The following KCNB2 variants were observed in gnomAD, a reference collection of about 807,000 sequenced individuals.
The protein encoded by KCNB2 is delayed rectifier potassium channel protein.
KCNB2 carries 15 observed loss-of-function variants against 61.5 expected under a neutral mutation model. The observed-to-expected ratio is 0.24, with a 90% CI of 0.16 to 0.38. The LOEUF is 0.38. Among genes scored for constraint, KCNB2 ranks in the 10% least tolerant of loss-of-function variants. KCNB2 has a pLI of 1.00. For synonymous variants in KCNB2, 457 were observed against 446.0 expected (o/e 1.02, Z -0.31); for missense variants, 828 against 1,125.2 (o/e 0.74, Z 3.78).
chr8:72,565,750 C>G (rs1294314920), intron 1 of KCNB2, among the ~76,000 whole-genome samples: 1 of 152,008 alleles, frequency 6.6e-6, no homozygotes, highest in African/African-American at 2.4e-5. Flanking sequence ...AATAATTGAT[C>G]CCAATAACTC....
chr8:72,723,756 A>C (rs1173788381), intron 2 of KCNB2, among the ~76,000 whole-genome samples: 1 of 152,168 alleles, frequency 6.6e-6, no homozygotes, highest in Admixed American at 6.5e-5. Context: ...CCTGTTGGAC[A>C]TGCACTCTTT....
At chr8:72,857,689 T>A (rs1293833166) in intron 2 of KCNB2, among the ~76,000 whole-genome samples, 3 of 151,954 alleles carry the variant, frequency 2.0e-5, no homozygotes, top group Non-Finnish European at 2.9e-5. Flanking sequence ...AGAAAAAAAA[T>A]TAGAGGACTT....
intron 2 of KCNB2, among the ~76,000 whole-genome samples, chr8:72,645,536 T>G (rs1326924369): frequency 6.6e-6 from 1 of 152,178 alleles, no homozygotes; most frequent in African/African-American, 2.4e-5. Flanking sequence ...TAGTTCACTT[T>G]TATTCACTTG....
intron 2 of KCNB2, among the ~76,000 whole-genome samples, chr8:72,607,060 G>T (rs915237681): frequency 1.3e-5 from 2 of 152,170 alleles, no homozygotes; most frequent in Non-Finnish European, 2.9e-5. Flanking sequence ...TGTACTGTGT[G>T]TTGATGTAGA....
chr8:72,893,231 G>A (rs78896334), intron 2 of KCNB2, among the ~76,000 whole-genome samples: 17,047 of 151,610 alleles, frequency 0.11, 1,071 homozygotes, highest in South Asian at 0.24. Context: ...AATCACACTC[G>A]TCAGTTTGCT....
chr8:72,677,057 C>T (rs1806666707), intron 2 of KCNB2, among the ~76,000 whole-genome samples: 1 of 151,966 alleles, frequency 6.6e-6, no homozygotes, highest in African/African-American at 2.4e-5. Context: ...GGGTGGGCCC[C>T]TAAACCAATA....
intron 2 of KCNB2, among the ~76,000 whole-genome samples, chr8:72,655,824 T>A (rs916576445): frequency 4.6e-5 from 7 of 152,102 alleles, no homozygotes; most frequent in Admixed American, 2.6e-4. Flanking sequence ...TGAGACTCAG[T>A]CTTTTCTTGC....
Position 72,856,865 on chromosome 8 carries a change from G to A in KCNB2, c.580-79070G>A, listed in dbSNP as rs77999583. On this transcript the variant is annotated intron_variant, in intron 2 of 2. Transcript: ENST00000523207. ...CAGAATCAGTATTTTAGCTTTTCTC[G>A]ATTGGTCAATTTGTTAATATCACAG... Among the ~76,000 whole-genome samples the A allele has an allele frequency of 7.3e-3, 1,109 of 152,220 alleles. 14 individuals carry two copies. Among genetic ancestry groups the A allele is most frequent in the African/African-American group, 0.02 (832 of 41,534 alleles).
At chr8:72,611,274 A>G (rs1805534447) in intron 2 of KCNB2, among the ~76,000 whole-genome samples, 2 of 152,220 alleles carry the variant, frequency 1.3e-5, no homozygotes, top group Non-Finnish European at 1.5e-5. Flanking sequence ...AGATACCTGT[A>G]TTAATTTTGC....
intron 2 of KCNB2, among the ~76,000 whole-genome samples, chr8:72,697,085 C>T (rs577774017): frequency 2.0e-5 from 3 of 152,106 alleles, no homozygotes; most frequent in African/African-American, 7.2e-5. Flanking sequence ...TTATGCTGTC[C>T]TTTGCCATTA....
At chr8:72,816,146 CT>C (rs1809392799) in intron 2 of KCNB2, among the ~76,000 whole-genome samples, 1 of 152,050 alleles carries the variant, frequency 6.6e-6, no homozygotes, top group African/African-American at 2.4e-5. Flanking sequence ...ATGGATCGTA[CT>C]AAAATGAAAA....
chr8:72,682,593 TAAA>T (rs775865289), intron 2 of KCNB2, among the ~76,000 whole-genome samples: 2 of 133,342 alleles, frequency 1.5e-5, no homozygotes, highest in African/African-American at 5.6e-5. Flanking sequence ...AAGTTGAATT[TAAA>T]AAAAAAAAAA....
intron 2 of KCNB2, among the ~76,000 whole-genome samples, chr8:72,670,243 T>C (rs1806541361): frequency 6.6e-6 from 1 of 152,252 alleles, no homozygotes; most frequent in Admixed American, 6.5e-5. Context: ...TTGCTTCTAA[T>C]GAGTGGTCAC....
chr8:72,754,339 A>T (rs1585873871), intron 2 of KCNB2, among the ~76,000 whole-genome samples: 1 of 152,336 alleles, frequency 6.6e-6, no homozygotes, highest in East Asian at 1.9e-4. Context: ...CTAACTCAAG[A>T]CATGCAAAAG....
In KCNB2 at chr8:72,610,327, TCTAAA is replaced by T. The variant is rs1563537926; in HGVS notation, c.579+42019_579+42023del. Among the ~76,000 whole-genome samples the T allele has an allele frequency of 1.3e-5, 2 of 152,194 alleles. 1 individual carries two copies. The highest frequency in any genetic ancestry group is 4.1e-4 in the South Asian group (2 of 4,828). On this transcript the variant is annotated intron_variant, in intron 2 of 2. Transcript: ENST00000523207. Reference sequence around the variant, plus strand: ...CAACTGATGTGCTTAAAAACCGAACTCTAAACTAAGTTAAGGAAAAAGTTTAAAAC... The same window carrying T: ...CAACTGATGTGCTTAAAAACCGAACTCTAAGTTAAGGAAAAAGTTTAAAAC...
intron 2 of KCNB2, among the ~76,000 whole-genome samples, chr8:72,891,886 A>C (rs1805901699): frequency 6.6e-6 from 1 of 152,112 alleles, no homozygotes; most frequent in South Asian, 2.1e-4. Flanking sequence ...CCTTGGTGTG[A>C]ATAATTTAAT....
chr8:72,710,070 A>G (rs1380491483), intron 2 of KCNB2, among the ~76,000 whole-genome samples: 2 of 152,088 alleles, frequency 1.3e-5, no homozygotes, highest in East Asian at 3.9e-4. Context: ...GAGCCTATTG[A>G]ACCACTCCCC....
chr8:72,630,841 C>A (rs1308720148), intron 2 of KCNB2, among the ~76,000 whole-genome samples: 2 of 152,114 alleles, frequency 1.3e-5, no homozygotes, highest in African/African-American at 4.8e-5. Flanking sequence ...CATCAGGACA[C>A]CCCTTGATAA....
chr8:72,808,844 T>C (rs1809263758), intron 2 of KCNB2, among the ~76,000 whole-genome samples: 1 of 152,148 alleles, frequency 6.6e-6, no homozygotes, highest in Non-Finnish European at 1.5e-5. Context: ...TACACACCCA[T>C]AGTACACATT....
Sources: allele counts gnomAD v4.1 joint callset (sites outside exome capture counted in the v4.1 genomes callset), GRCh38; gene constraint gnomAD v4.1.1; transcripts MANE v1.5; gene names NCBI Gene and HGNC (gene_info 2026-07-23, HGNC 2026-07-21).